The following DSCAM variants were observed in gnomAD, a reference collection of about 807,000 sequenced individuals.
DSCAM encodes DS cell adhesion molecule, also known as cell adhesion molecule DSCAM.
DSCAM carries 47 observed loss-of-function variants against 217.7 expected under a neutral mutation model. The observed-to-expected ratio is 0.22, with a 90% CI of 0.17 to 0.28. The LOEUF is 0.28. Ranked by LOEUF, DSCAM falls within the 10% of genes least tolerant of loss-of-function variation. DSCAM has a pLI of 1.00. For synonymous variants in DSCAM, 1,056 were observed against 1,015.3 expected (o/e 1.04, Z -0.76); for missense variants, 2,080 against 2,618.3 (o/e 0.79, Z 4.49).
intron 8 of DSCAM, among the ~76,000 whole-genome samples, chr21:40,325,642 G>T (rs927447404): frequency 6.6e-6 from 1 of 152,220 alleles, no homozygotes; most frequent in Non-Finnish European, 1.5e-5. Context: ...GCAATGCATA[G>T]ATGAAATCCT....
intron 24 of DSCAM, among the ~76,000 whole-genome samples, chr21:40,083,005 A>T (rs2089484081): frequency 6.6e-6 from 1 of 152,144 alleles, no homozygotes; most frequent in Non-Finnish European, 1.5e-5. Context: ...TGCCTTAGGA[A>T]GTCTAAGCCC....
chr21:40,117,527 TC>T (rs2089984675), intron 20 of DSCAM, among the ~76,000 whole-genome samples: 1 of 152,112 alleles, frequency 6.6e-6, no homozygotes, highest in Non-Finnish European at 1.5e-5. Context: ...AAGATAACAA[TC>T]ATAACACCTC....
At chr21:40,579,167 C>G (rs116250000) in intron 3 of DSCAM, among the ~76,000 whole-genome samples, 79 of 152,158 alleles carry the variant, frequency 5.2e-4, no homozygotes, top group African/African-American at 1.9e-3. Context: ...AGCAAAAGAC[C>G]TGATGGGTCT....
At chr21:40,170,981 T>C (rs1342063767) in intron 15 of DSCAM, among the ~76,000 whole-genome samples, 1 of 152,206 alleles carries the variant, frequency 6.6e-6, no homozygotes, top group African/African-American at 2.4e-5. Flanking sequence ...GGTGCCAGCA[T>C]AGTGTTTACA....
chr21:40,610,948 T>G (rs2089305414), intron 3 of DSCAM, among the ~76,000 whole-genome samples: 1 of 152,168 alleles, frequency 6.6e-6, no homozygotes, highest in South Asian at 2.1e-4. Context: ...CAGAGCAGCT[T>G]TGTCCCACAA....
intron 32 of DSCAM, among the ~76,000 whole-genome samples, chr21:40,032,114 G>A (rs375107163): frequency 2.0e-5 from 3 of 152,162 alleles, no homozygotes; most frequent in East Asian, 1.9e-4. Flanking sequence ...AAACAGCTCT[G>A]TCAGCTTCAT....
At chr21:40,121,681 C>CTTTTTTTTTTTTTTTTTTTTTTTTTTTTT (rs201672838) in intron 20 of DSCAM, among the ~76,000 whole-genome samples, 7 of 73,734 alleles carry the variant, frequency 9.5e-5, no homozygotes, top group African/African-American at 3.5e-4. Context: ...TCATTACTGT[C>CTTTTTTTTTTTTTTTTTTTTTTTTTTTTT]TTTTTTTTTT....
chr21:40,485,342 A>T (rs956692023), intron 3 of DSCAM, among the ~76,000 whole-genome samples: 1 of 147,008 alleles, frequency 6.8e-6, no homozygotes, highest in Admixed American at 7.0e-5. Flanking sequence ...TCCCAGGTTC[A>T]CGCCATTCTC....
intron 3 of DSCAM, among the ~76,000 whole-genome samples, chr21:40,475,455 T>C (rs2075925555): frequency 6.6e-6 from 1 of 152,234 alleles, no homozygotes; most frequent in South Asian, 2.1e-4. Flanking sequence ...AGGGGCTCTT[T>C]GTGTGACCTT....
At chr21:40,030,143 C>T (rs2088491997) in intron 32 of DSCAM, among the ~76,000 whole-genome samples, 1 of 152,226 alleles carries the variant, frequency 6.6e-6, no homozygotes, top group Non-Finnish European at 1.5e-5. Context: ...CACACATTCT[C>T]ACTGCACTGC....
At chr21:40,775,428 G>A (rs374970121) in intron 1 of DSCAM, among the ~76,000 whole-genome samples, 1 of 152,142 alleles carries the variant, frequency 6.6e-6, no homozygotes, top group Non-Finnish European at 1.5e-5. Context: ...AGAGGTTACC[G>A]TATGAATCTG....
intron 8 of DSCAM, among the ~76,000 whole-genome samples, chr21:40,336,598 G>C (rs1210745423): frequency 6.6e-6 from 1 of 152,216 alleles, no homozygotes; most frequent in Non-Finnish European, 1.5e-5. Flanking sequence ...CCAAGGGTAT[G>C]ATAGACCAAT....
chr21:40,437,359 ATAC>A (rs1001919904), intron 3 of DSCAM, among the ~76,000 whole-genome samples: 1 of 152,194 alleles, frequency 6.6e-6, no homozygotes, highest in African/African-American at 2.4e-5. Context: ...CACAGAGGCA[ATAC>A]TACTACTAAT....
At chr21:40,700,209 A>C (rs905367259) in intron 2 of DSCAM, among the ~76,000 whole-genome samples, 6 of 152,266 alleles carry the variant, frequency 3.9e-5, no homozygotes, top group Admixed American at 3.9e-4. Flanking sequence ...CATGTTGCAC[A>C]GGATAGAACC....
intron 3 of DSCAM, among the ~76,000 whole-genome samples, chr21:40,497,025 C>G (rs1284307855): frequency 2.0e-5 from 3 of 152,210 alleles, no homozygotes; most frequent in South Asian, 2.1e-4. Context: ...AAAGAGAACC[C>G]TAGTACTCTA....
intron 3 of DSCAM, among the ~76,000 whole-genome samples, chr21:40,485,326 T>C (rs984845952): frequency 2.1e-5 from 3 of 146,164 alleles, no homozygotes; most frequent in African/African-American, 7.6e-5. Flanking sequence ...CACTGCAAGC[T>C]CCGCCTCCCA....
chr21:40,168,849 C>T (rs973184982), intron 15 of DSCAM, among the ~76,000 whole-genome samples: 6 of 152,174 alleles, frequency 3.9e-5, no homozygotes, highest in African/African-American at 1.4e-4. Flanking sequence ...CTGGTTCTAT[C>T]ACTTGTTGGC....
rs1425663493 is a variant in DSCAM at position 40,378,596 on chromosome 21, T to A, written c.509-9351A>T. On this transcript the variant is annotated intron_variant, in intron 3 of 32. Transcript: ENST00000400454. ...TTTTTTTTTTTTTTTTTTTTTTTTT[T>A]TTTTTTTTTTTTTGAGACGGAGTCT... Among the ~76,000 whole-genome samples, 4 of 55,882 alleles carry A rather than the reference T, an allele frequency of 7.2e-5. 1 individual carries two copies. The highest frequency in any genetic ancestry group is 1.0e-3 in the South Asian group (1 of 992). 36.7% of individuals were successfully genotyped at this position (55,882 alleles called of 152,430 possible). A position where few individuals can be genotyped will look rare whatever the true frequency, so the allele number is the denominator to read the frequency against.
At chr21:40,718,035 A>C (rs2090861117) in intron 1 of DSCAM, among the ~76,000 whole-genome samples, 1 of 152,214 alleles carries the variant, frequency 6.6e-6, no homozygotes, top group South Asian at 2.1e-4. Flanking sequence ...ATATGATCCT[A>C]CCAGCATCGG....
Sources: allele counts gnomAD v4.1 joint callset (sites outside exome capture counted in the v4.1 genomes callset), GRCh38; gene constraint gnomAD v4.1.1; transcripts MANE v1.5; gene names NCBI Gene and HGNC (gene_info 2026-07-23, HGNC 2026-07-21).